The following KDR variants were observed in gnomAD, a reference collection of about 807,000 sequenced individuals.
KDR encodes kinase insert domain receptor, also known as vascular endothelial growth factor receptor 2.
Under a neutral mutation model 160.9 loss-of-function variants are expected in KDR, and 43 were observed. The observed-to-expected ratio is 0.27, with a 90% CI of 0.21 to 0.34. The LOEUF (loss-of-function observed/expected upper bound fraction) is 0.34, where lower values mean the gene tolerates loss of function less well. KDR is among the 10% of genes least tolerant of loss of function. KDR has a pLI of 1.00. For synonymous variants in KDR, 617 were observed against 600.1 expected, an observed-to-expected ratio of 1.03 and a Z score of -0.41; for missense variants, 1,469 against 1,666.4, an observed-to-expected ratio of 0.88 and a Z score of 2.06.
intron 27 of KDR, among the ~76,000 whole-genome samples, chr4:55,086,921 C>A (rs1179578933): frequency 6.6e-6 from 1 of 152,178 alleles, no homozygotes; most frequent in Non-Finnish European, 1.5e-5. Context: ...GTAGTCCCAG[C>A]CTTAGTAAAG....
At position 55,080,172 on chromosome 4, in the gene KDR, G is replaced by A. The variant is rs1033989559; in HGVS notation, c.3849-9C>T. The stretch of plus-strand genomic sequence containing the variant: ...TGCTGGGCACCATTCCACTGCAGAA[G>A]AAATGGCAAACAAAGGAGTTGGCAG... On this transcript the variant is annotated splice_polypyrimidine_tract_variant and intron_variant, in intron 29 of 29. Transcript: ENST00000263923. 1 of 1,611,880 alleles carries A rather than the reference G, an allele frequency of 6.2e-7. No individual in the cohort carries two copies. The highest frequency in any genetic ancestry group is 1.1e-5 in the South Asian group (1 of 91,004).
chr4:55,080,261 C>G, intron 29 of KDR, 98 bp from the exon 30 acceptor site: 1 of 1,019,634 alleles, frequency 9.8e-7, no homozygotes, highest in Non-Finnish European at 1.5e-6. Flanking sequence ...GCTGCCATCT[C>G]CCTGGAGACC....
intron 13 of KDR, among the ~76,000 whole-genome samples, chr4:55,103,281 C>T (rs1173186648): frequency 6.6e-6 from 1 of 152,032 alleles, no homozygotes; most frequent in Non-Finnish European, 1.5e-5. Context: ...ATATCTTGTC[C>T]CAACCAACTG....
At chr4:55,113,864 C>T (rs1349473166) in intron 6 of KDR, among the ~76,000 whole-genome samples, 1 of 152,182 alleles carries the variant, frequency 6.6e-6, no homozygotes, top group Non-Finnish European at 1.5e-5. Context: ...GATGTAATCA[C>T]CTAGAGAAAA....
At chr4:55,118,416 C>G (rs563976418) in intron 3 of KDR, among the ~76,000 whole-genome samples, 188 bp downstream of exon 3, 4 of 152,156 alleles carry the variant, frequency 2.6e-5, no homozygotes, top group African/African-American at 9.7e-5. Flanking sequence ...AGAGGTAACA[C>G]GGCCCAAGCT....
In KDR at chr4:55,100,707, T is replaced by C. The variant is rs778273343; in HGVS notation, c.2266+1190A>G. Among the ~76,000 whole-genome samples the C allele has an allele frequency of 2.0e-5, 3 of 152,318 alleles. 1 individual carries two copies. The South Asian group carries it at 6.2e-4, about 32-fold the overall frequency. ...TAATAAGCTTATACATTTGAAAATA[T>C]GTCAACATATCTCGATGCAATACTT... On this transcript the variant is annotated intron_variant, in intron 15 of 29. Coordinates refer to ENST00000263923, the MANE Select transcript of KDR (RefSeq NM_002253.4).
chr4:55,100,934 A>C (rs1720295136), intron 15 of KDR, among the ~76,000 whole-genome samples: 1 of 152,198 alleles, frequency 6.6e-6, no homozygotes, highest in South Asian at 2.1e-4. Flanking sequence ...ATACTTCTTA[A>C]GATAAAATAT....
chr4:55,094,654 G>A (rs1560515592), intron 21 of KDR, 148 bp downstream of exon 21: 8 of 817,160 alleles, frequency 9.8e-6, no homozygotes, highest in South Asian at 8.1e-5. Context: ...GAGACAGAAT[G>A]GAGGCAGTCT....
At chr4:55,107,143 T>C (rs1015508207) in intron 10 of KDR, among the ~76,000 whole-genome samples, 1 of 152,206 alleles carries the variant, frequency 6.6e-6, no homozygotes, top group African/African-American at 2.4e-5. Context: ...GTAATTTCTC[T>C]GGGACCATGG....
chr4:55,099,284 T>A (rs190167493), intron 15 of KDR, among the ~76,000 whole-genome samples: 1 of 152,292 alleles, frequency 6.6e-6, no homozygotes, highest in Non-Finnish European at 1.5e-5. Context: ...CCTCCCAAAG[T>A]GCAGGGATTA....
chr4:55,090,468 G>A (rs554395459), intron 22 of KDR, among the ~76,000 whole-genome samples: 17 of 152,242 alleles, frequency 1.1e-4, no homozygotes, highest in African/African-American at 4.1e-4. Context: ...ATGAATGCAC[G>A]GAAATCAGAA....
Position 55,079,214 on chromosome 4 carries a change from T to C in KDR, c.*727A>G, listed in dbSNP as rs925670632. The C allele has an allele frequency of 1.3e-5, 3 of 233,268 alleles. No homozygotes were observed. Among genetic ancestry groups the C allele is most frequent in the Non-Finnish European group, 1.7e-5 (2 of 118,180 alleles). The allele number at this position is 233,268 out of a possible 1,614,324, so 14.4% of individuals were successfully genotyped here. ...GCTGCATCATTTCCTTCCTGGGGCT[T>C]GGCCAGGAGACACGTAACGGTCTGG... On this transcript the variant is annotated 3_prime_UTR_variant, in exon 30 of 30. Transcript: ENST00000263923.
At chr4:55,121,380 A>G (rs1416402782) in intron 1 of KDR, among the ~76,000 whole-genome samples, 190 bp from the exon 2 acceptor site, 1 of 152,258 alleles carries the variant, frequency 6.6e-6, no homozygotes, top group East Asian at 1.9e-4. Context: ...AAGAATGGGC[A>G]GATGGTCATA....
chr4:55,086,665 GC>G lies in KDR; in HGVS notation c.3662+941del, dbSNP rs1719873474. Among the ~76,000 whole-genome samples the G allele has an allele frequency of 2.0e-5, 3 of 152,142 alleles. No homozygotes were observed. The South Asian group carries it at 6.2e-4, about 31-fold the overall frequency. ...GGTCAGCTGTCTTGCTGGCTTCTAA[GC>G]TTTCTTCCTTCCCATCAGTGTTTCT... On this transcript the variant is annotated intron_variant, in intron 27 of 29. Coordinates refer to ENST00000263923, the MANE Select transcript of KDR (RefSeq NM_002253.4).
intron 2 of KDR, among the ~76,000 whole-genome samples, chr4:55,119,375 T>C (rs1464135414): frequency 2.0e-5 from 3 of 152,204 alleles, no homozygotes; most frequent in Admixed American, 2.0e-4. Flanking sequence ...CCAAACTTGT[T>C]AAGGACTAGA....
At chr4:55,114,764 A>G (rs1720690258) in intron 5 of KDR, 110 bp downstream of exon 5, 1 of 971,416 alleles carries the variant, frequency 1.0e-6, no homozygotes, top group Non-Finnish European at 1.6e-6. Flanking sequence ...CCAACACCAT[A>G]TCCTGAGTTC....
At chr4:55,112,810 G>A (rs1310098261) in intron 7 of KDR, among the ~76,000 whole-genome samples, 1 of 152,060 alleles carries the variant, frequency 6.6e-6, no homozygotes, top group Non-Finnish European at 1.5e-5. Flanking sequence ...GATTACAGGC[G>A]TGAGCCACCG....
At position 55,105,095 on chromosome 4, in the gene KDR, C is replaced by T. The variant is rs1578134845; in HGVS notation, c.1646-111G>A. The stretch of plus-strand genomic sequence containing the variant: ...GTACCAAAAGAAATGAAGCTCTATC[C>T]GTTCCAGGTGATGTACTACAACTTG... On this transcript the variant is annotated intron_variant, in intron 12 of 29. Transcript: ENST00000263923. 4.5e-5 allele frequency: 40 copies of T among 884,002 alleles called. No homozygotes were observed. The South Asian group carries it at 4.8e-4, about 11-fold the overall frequency. The allele number at this position is 884,002 out of a possible 1,614,324, so 54.8% of individuals were successfully genotyped here. A position where few individuals can be genotyped will look rare whatever the true frequency, so the allele number is the denominator to read the frequency against.
rs567740027 is a variant in KDR, at chr4:55,106,923, C to T, written c.1413-113G>A. 97 of 918,496 alleles carry T rather than the reference C, an allele frequency of 1.1e-4. 1 individual carries two copies. Among genetic ancestry groups the T allele is most frequent in the Admixed American group, 2.7e-4 (15 of 55,482 alleles). 56.9% of individuals were successfully genotyped at this position (918,496 alleles called of 1,614,324 possible). On this transcript the variant is annotated intron_variant, in intron 10 of 29. Coordinates refer to ENST00000263923, the MANE Select transcript of KDR (RefSeq NM_002253.4). ...TTCTGTTCTTAGAAATAACTTCCAA[C>T]GCAGCCTACCATGGTACAAGACTTG...
Sources: gnomAD v4.1 joint callset for allele counts (sites outside exome capture counted in the v4.1 genomes callset) on GRCh38, gnomAD v4.1.1 for gene constraint, MANE v1.5 for transcripts, NCBI Gene and HGNC (gene_info 2026-07-23, HGNC 2026-07-21) for gene names.